The following PCYT1A variants were observed in gnomAD, a reference collection of about 807,000 sequenced individuals.
PCYT1A encodes the protein choline-phosphate cytidylyltransferase A.
A neutral mutation model predicts 43.7 loss-of-function variants in PCYT1A; 25 were observed. The ratio of observed to expected loss-of-function variants is 0.57; its 90% CI spans 0.42 to 0.80. The LOEUF (loss-of-function observed/expected upper bound fraction) is 0.80, where lower values mean the gene tolerates loss of function less well. Ranked by LOEUF, PCYT1A falls within the 30% of genes least tolerant of loss-of-function variation. The pLI, the probability that PCYT1A is intolerant of heterozygous loss-of-function variation, is 0.00. For missense variants in PCYT1A, 421 were observed against 474.2 expected (o/e 0.89, Z 1.04); for synonymous variants, 172 against 170.7 (o/e 1.01, Z -0.06).
intron 2 of PCYT1A, among the ~76,000 whole-genome samples, chr3:196,270,153 G>A (rs1427720554): frequency 3.9e-5 from 6 of 152,114 alleles, no homozygotes; most frequent in African/African-American, 1.4e-4. Flanking sequence ...ATGAGTCACC[G>A]CACCTGGCCA....
chr3:196,242,639 A>G lies in PCYT1A; in HGVS notation c.488T>C (p.Ile163Thr). The G allele has an allele frequency of 6.3e-7, 1 of 1,595,344 alleles. No homozygotes were observed. The highest frequency in any genetic ancestry group is 1.7e-5 in the Admixed American group (1 of 60,016). ...LTPEFLAEHR[I>T]DFVAHDDIPY... Reference sequence around the variant, plus strand: ...AATATCATCATGGGCTACAAAATCAATCTGAAAATAAGGAAACATCATTAA... The same window carrying G: ...AATATCATCATGGGCTACAAAATCAGTCTGAAAATAAGGAAACATCATTAA... The change falls in exon 6 of 9, where the codon ATT (isoleucine) becomes ACT (threonine). Residue 163 changes from isoleucine to threonine, a missense_variant and splice_region_variant. Coordinates refer to ENST00000431016, the MANE Select transcript of PCYT1A (RefSeq NM_001312673.2). This position sits in a 1 kb window ranked among gnomAD's most constrained non-coding sequence, Gnocchi z 4.2.
At chr3:196,251,493 AT>A (rs1724788458) in intron 3 of PCYT1A, 1 of 152,840 alleles carries the variant, frequency 6.5e-6, no homozygotes, top group African/African-American at 2.4e-5. Context: ...AAATAAGTAG[AT>A]TTTAAACCAA....
intron 3 of PCYT1A, among the ~76,000 whole-genome samples, chr3:196,255,748 T>C (rs1440168627): frequency 6.6e-6 from 1 of 152,200 alleles, no homozygotes; most frequent in Non-Finnish European, 1.5e-5. Flanking sequence ...TTTTCAAATT[T>C]TATGTACCAC....
In PCYT1A at chr3:196,242,815, A is replaced by C; in HGVS notation, c.487-175T>G. 1 of 619,970 alleles carries C rather than the reference A, an allele frequency of 1.6e-6. No homozygotes were observed. The highest frequency in any genetic ancestry group is 2.9e-6 in the Non-Finnish European group (1 of 341,074). The allele number at this position is 619,970 out of a possible 1,614,324, so 38.4% of individuals were successfully genotyped here. A position where few individuals can be genotyped will look rare whatever the true frequency, so the allele number is the denominator to read the frequency against. On this transcript the variant is annotated intron_variant, in intron 5 of 8. Transcript: ENST00000431016. The surrounding 1 kb of genome is among the most constrained non-coding windows in gnomAD (Gnocchi z 4.2). ...ATCTATTCACAAACCACCCAACCTAATGATTTATGGAGTATACATATGAAG... is the reference window on the plus strand; with the variant it reads ...ATCTATTCACAAACCACCCAACCTACTGATTTATGGAGTATACATATGAAG...
In PCYT1A at chr3:196,235,201, A is replaced by C. The variant is rs1724127251; in HGVS notation, c.*3487T>G. ...AGGAAGGGGGAATGACGCCCTATGA[A>C]CCACTGTGGAAAGAACATCTAGAGA... On this transcript the variant is annotated 3_prime_UTR_variant, in exon 9 of 9. Transcript: ENST00000431016. The surrounding 1 kb of genome is among the most constrained non-coding windows in gnomAD (Gnocchi z 4.3). The C allele has an allele frequency of 6.6e-6, 1 of 152,186 alleles. No individual in the cohort carries two copies. Among genetic ancestry groups the C allele is most frequent in the African/African-American group, 2.4e-5 (1 of 41,426 alleles). The allele number at this position is 152,186 out of a possible 1,614,324, so 9.4% of individuals were successfully genotyped here.
chr3:196,242,563 T>C lies in PCYT1A; in HGVS notation c.564A>G (p.Ala188=), dbSNP rs1183090552. The C allele has an allele frequency of 6.2e-7, 1 of 1,601,550 alleles. No homozygotes were observed. Among genetic ancestry groups the C allele is most frequent in the Non-Finnish European group, 8.6e-7 (1 of 1,168,510 alleles). Reference sequence around the variant, plus strand: ...AGTGAGGAAGCACAGCTCACTCACCTGCCTCCTTGATGTGCTTATAAACAT... The same window carrying C: ...AGTGAGGAAGCACAGCTCACTCACCCGCCTCCTTGATGTGCTTATAAACAT... The part of the protein sequence containing the change: ...SDDVYKHIKE[A]GMFAPTQRTE... The change falls in exon 6 of 9, where the codon GCA becomes GCG. Residue 188 remains alanine (A), a splice_region_variant and synonymous_variant. Transcript: ENST00000431016. The surrounding 1 kb of genome is among the most constrained non-coding windows in gnomAD (Gnocchi z 4.2).
At chr3:196,276,029 A>G (rs1353661733) in intron 1 of PCYT1A, among the ~76,000 whole-genome samples, 3 of 151,386 alleles carry the variant, frequency 2.0e-5, no homozygotes. Context: ...CCCGGGAGGC[A>G]GAGCTTGCAG....
chr3:196,249,190 A>G (rs1369634313), intron 3 of PCYT1A, among the ~76,000 whole-genome samples: 1 of 151,912 alleles, frequency 6.6e-6, no homozygotes, highest in Non-Finnish European at 1.5e-5. Flanking sequence ...TCTGTCATCC[A>G]GCCTGGAGTG....
rs1249349876 is a variant in PCYT1A, at chr3:196,247,162, T to C, written c.486+205A>G. Among the ~76,000 whole-genome samples, 2 of 152,296 alleles carry C rather than the reference T, an allele frequency of 1.3e-5. No individual in the cohort carries two copies. The highest frequency in any genetic ancestry group is 2.9e-5 in the Non-Finnish European group (2 of 68,022). On this transcript the variant is annotated intron_variant, in intron 5 of 8. Coordinates refer to ENST00000431016, the MANE Select transcript of PCYT1A (RefSeq NM_001312673.2). This position sits in a 1 kb window ranked among gnomAD's most constrained non-coding sequence, Gnocchi z 4.8. ...TGGGCAGAAAATGGAATAGAATGGA[T>C]GTAAAAGTGCTTGCAAACCATCCAG... is the stretch of plus-strand genomic sequence containing the variant.
chr3:196,267,311 C>G (rs1725304604), intron 2 of PCYT1A: 1 of 456,286 alleles, frequency 2.2e-6, no homozygotes, highest in Admixed American at 2.4e-5. Context: ...ATGTCCAGAA[C>G]AGGCAAATCC....
At chr3:196,241,131 TA>T (rs1209954920) in intron 7 of PCYT1A, among the ~76,000 whole-genome samples, 5,454 of 49,438 alleles carry the variant, frequency 0.11, 161 homozygotes, top group South Asian at 0.2. Context: ...CCATCTCTGC[TA>T]AAAAAAAAAA....
chr3:196,238,772 G>A lies in PCYT1A; in HGVS notation c.1020C>T (p.Gly340=), dbSNP rs1296276894. 9 of 1,590,072 alleles carry A rather than the reference G, an allele frequency of 5.7e-6. No individual in the cohort carries two copies. The highest frequency in any genetic ancestry group is 1.7e-4 in the Middle Eastern group (1 of 6,008). The change falls in exon 9 of 9, where the codon GGC becomes GGT. Residue 340 remains glycine (G), a synonymous_variant. Coordinates refer to ENST00000431016, the MANE Select transcript of PCYT1A (RefSeq NM_001312673.2). ...PSPSFRWPFS[G]KTSPPCSPAN... Reference sequence around the variant, plus strand: ...CTGGGGAGCAAGGTGGGGAAGTCTTGCCGGAGAAGGGCCATCGGAAAGAGG... The same window carrying A: ...CTGGGGAGCAAGGTGGGGAAGTCTTACCGGAGAAGGGCCATCGGAAAGAGG...
chr3:196,286,330 T>G (rs1725913741), intron 1 of PCYT1A, among the ~76,000 whole-genome samples: 1 of 152,170 alleles, frequency 6.6e-6, no homozygotes, highest in African/African-American at 2.4e-5. Context: ...CCTCCTCCAG[T>G]TAGGCCAGGC....
chr3:196,260,600 T>A (rs894050933), intron 2 of PCYT1A, among the ~76,000 whole-genome samples: 1 of 152,152 alleles, frequency 6.6e-6, no homozygotes, highest in African/African-American at 2.4e-5. Flanking sequence ...CCCAGCACTT[T>A]GGGAGGCCGA....
Position 196,238,786 on chromosome 3 carries a change from A to G in PCYT1A, c.1006T>C (p.Trp336Arg), listed in dbSNP as rs1724257323. The G allele has an allele frequency of 6.3e-7, 1 of 1,587,656 alleles. No homozygotes were observed. The highest frequency in any genetic ancestry group is 8.6e-7 in the Non-Finnish European group (1 of 1,167,964). Residue 336 changes from tryptophan (W) to arginine (R), a missense_variant, in exon 9 of 9, where the codon TGG becomes CGG. Around this residue, in one of 3 missense-constraint regions of PCYT1A, gnomAD observed 108 missense variants for 85.7 expected, o/e 1.26. Coordinates refer to ENST00000431016, the MANE Select transcript of PCYT1A (RefSeq NM_001312673.2). Reference sequence around the variant, plus strand: ...GGGGAAGTCTTGCCGGAGAAGGGCCATCGGAAAGAGGGGGAGGGGGAGCGC... The same window carrying G: ...GGGGAAGTCTTGCCGGAGAAGGGCCGTCGGAAAGAGGGGGAGGGGGAGCGC... The part of the protein sequence containing the change: ...RERSPSPSFR[W>R]PFSGKTSPPC...
intron 2 of PCYT1A, among the ~76,000 whole-genome samples, chr3:196,265,801 G>T (rs1268615828): frequency 7.6e-6 from 1 of 132,034 alleles, no homozygotes; most frequent in Admixed American, 8.2e-5. Context: ...GCAGTGGCGC[G>T]ATCTCAGCTC....
chr3:196,248,086 A>G, intron 4 of PCYT1A, 121 bp downstream of exon 4: 1 of 691,008 alleles, frequency 1.4e-6, no homozygotes, highest in South Asian at 1.7e-5. Flanking sequence ...TGTGTTAGAG[A>G]GGCTGTACTA....
Position 196,248,111 on chromosome 3 carries a change from A to T in PCYT1A, c.334+96T>A. The T allele has an allele frequency of 1.1e-5, 8 of 753,118 alleles. No homozygotes were observed. The South Asian group carries it at 1.2e-4, about 11-fold the overall frequency. The allele number at this position is 753,118 out of a possible 1,614,324, so 46.7% of individuals were successfully genotyped here. ...AGGCTGTACTACATCCTTCATTTAA[A>T]AATGGAAACAAGAGCCAGTGTACTC... On this transcript the variant is annotated intron_variant, in intron 4 of 8. Transcript: ENST00000431016.
intron 3 of PCYT1A, among the ~76,000 whole-genome samples, chr3:196,249,016 T>C (rs759195183): frequency 2.8e-4 from 43 of 152,046 alleles, no homozygotes; most frequent in Non-Finnish European, 7.4e-5. Context: ...CGCCTAAGCC[T>C]CCCAAAGTGC....
Sources: gnomAD v4.1 joint callset for allele counts (sites outside exome capture counted in the v4.1 genomes callset) on GRCh38, gnomAD v4.1.1 for gene constraint, gnomAD v4.1.1 regional missense constraint, Gnocchi (gnomAD v3.1) non-coding constraint, MANE v1.5 for transcripts, NCBI Gene and HGNC (gene_info 2026-07-23, HGNC 2026-07-21) for gene names.